Variants in ARHGAP42 observed in about 807,000 individuals in gnomAD.
ARHGAP42 encodes the protein Rho GTPase activating protein 42.
In ARHGAP42, 63 loss-of-function variants were observed where a neutral mutation model predicts 125.0. The ratio of observed to expected loss-of-function variants is 0.50; its 90% CI spans 0.41 to 0.62. ARHGAP42 has a LOEUF of 0.62. Among genes scored for constraint, ARHGAP42 ranks in the 20% least tolerant of loss-of-function variants. The pLI, the probability that ARHGAP42 is intolerant of heterozygous loss-of-function variation, is 0.00. For missense variants in ARHGAP42, 766 were observed against 1,024.2 expected, an observed-to-expected ratio of 0.75 and a Z score of 3.44; for synonymous variants, 339 against 351.0, an observed-to-expected ratio of 0.97 and a Z score of 0.38.
chr11:100,885,103 C>T (rs1008674310), intron 4 of ARHGAP42, among the ~76,000 whole-genome samples: 14 of 152,248 alleles, frequency 9.2e-5, no homozygotes, highest in Admixed American at 2.6e-4. Flanking sequence ...TAGTATTTAG[C>T]GGAGTTGGCA....
At chr11:100,843,727 G>T (rs1864994040) in intron 3 of ARHGAP42, among the ~76,000 whole-genome samples, 1 of 151,846 alleles carries the variant, frequency 6.6e-6, no homozygotes, top group Non-Finnish European at 1.5e-5. Context: ...AAATGCTTAG[G>T]AATATATCTA....
chr11:100,689,610 A>C (rs548514027), intron 1 of ARHGAP42, among the ~76,000 whole-genome samples: 1 of 152,338 alleles, frequency 6.6e-6, no homozygotes, highest in Non-Finnish European at 1.5e-5. Context: ...TCTTCCATTC[A>C]TAAGTGAAGA....
At chr11:100,854,141 A>C (rs2135132293) in intron 3 of ARHGAP42, among the ~76,000 whole-genome samples, 1 of 152,288 alleles carries the variant, frequency 6.6e-6, no homozygotes, top group South Asian at 2.1e-4. Flanking sequence ...GGTTAGGCCA[A>C]TTAATTAAAA....
chr11:100,939,404 A>G (rs1276869092), intron 8 of ARHGAP42, among the ~76,000 whole-genome samples: 1 of 152,130 alleles, frequency 6.6e-6, no homozygotes, highest in Non-Finnish European at 1.5e-5. Flanking sequence ...TGTAATTTAT[A>G]TTTATCTCAT....
At chr11:100,742,956 A>T (rs1862220322) in intron 1 of ARHGAP42, among the ~76,000 whole-genome samples, 1 of 152,122 alleles carries the variant, frequency 6.6e-6, no homozygotes, top group South Asian at 2.1e-4. Context: ...ATTTATATGA[A>T]TCCTTACATG....
chr11:100,782,237 G>T (rs1206206379), intron 2 of ARHGAP42, among the ~76,000 whole-genome samples: 1 of 152,116 alleles, frequency 6.6e-6, no homozygotes, highest in Non-Finnish European at 1.5e-5. Context: ...CGCTTTAGGA[G>T]GTTTCTTCTA....
chr11:100,942,488 A>G (rs1867912226), intron 9 of ARHGAP42, among the ~76,000 whole-genome samples: 1 of 152,190 alleles, frequency 6.6e-6, no homozygotes, highest in African/African-American at 2.4e-5. Context: ...GTGGCATATA[A>G]TCTTCTTGTG....
At chr11:100,944,646 A>C (rs953480442) in intron 10 of ARHGAP42, among the ~76,000 whole-genome samples, 1 of 151,876 alleles carries the variant, frequency 6.6e-6, no homozygotes, top group Non-Finnish European at 1.5e-5. Flanking sequence ...AAACTGAGTC[A>C]CAGAAATTTC....
chr11:100,850,179 A>G (rs907885450), intron 3 of ARHGAP42, among the ~76,000 whole-genome samples: 1 of 152,346 alleles, frequency 6.6e-6, no homozygotes, highest in Non-Finnish European at 1.5e-5. Flanking sequence ...TGCAATAGAC[A>G]GTGCGTATCA....
chr11:100,898,939 G>A (rs1195302698), intron 4 of ARHGAP42, among the ~76,000 whole-genome samples: 1 of 152,116 alleles, frequency 6.6e-6, no homozygotes, highest in Non-Finnish European at 1.5e-5. Context: ...ATGTTAGGGT[G>A]TCGATTTTTG....
intron 5 of ARHGAP42, among the ~76,000 whole-genome samples, chr11:100,919,107 G>C (rs1372531250): frequency 3.7e-5 from 5 of 135,362 alleles, no homozygotes; most frequent in African/African-American, 1.1e-4. Context: ...TGCTCTCCCA[G>C]TGGAGACACT....
At chr11:100,818,865 T>C (rs1387617174) in intron 3 of ARHGAP42, among the ~76,000 whole-genome samples, 1 of 152,128 alleles carries the variant, frequency 6.6e-6, no homozygotes, top group Non-Finnish European at 1.5e-5. Flanking sequence ...AGCCAGATTA[T>C]GTAGAGGTAG....
intron 3 of ARHGAP42, among the ~76,000 whole-genome samples, chr11:100,810,003 G>A (rs1396859166): frequency 6.6e-6 from 1 of 151,792 alleles, no homozygotes; most frequent in Non-Finnish European, 1.5e-5. Flanking sequence ...AAACAAAATT[G>A]TCATATTATG....
At chr11:100,779,175 A>G (rs981804470) in intron 2 of ARHGAP42, among the ~76,000 whole-genome samples, 4 of 151,902 alleles carry the variant, frequency 2.6e-5, no homozygotes, top group African/African-American at 9.7e-5. Flanking sequence ...GGCTGGGTGC[A>G]GTGGCTCACG....
At chr11:100,903,096 C>T (rs1390791119) in intron 4 of ARHGAP42, among the ~76,000 whole-genome samples, 4 of 132,008 alleles carry the variant, frequency 3.0e-5, no homozygotes, top group African/African-American at 1.1e-4. Context: ...CTTTATTCCT[C>T]AATCTTGCTG....
chr11:100,816,628 T>C (rs1388297992), intron 3 of ARHGAP42: 5 of 152,220 alleles, frequency 3.3e-5, no homozygotes, highest in Admixed American at 2.6e-4. Context: ...TGTTTATACA[T>C]TGGATAATTT....
At position 100,992,793 on chromosome 11, in the gene ARHGAP42, A is replaced by C; in HGVS notation, c.*3992A>C. 7.2e-7 allele frequency: 1 copy of C among 1,391,566 alleles called. No homozygotes were observed. The highest frequency in any genetic ancestry group is 1.4e-5 in the South Asian group (1 of 69,948). The allele number at this position is 1,391,566 out of a possible 1,614,324, so 86.2% of individuals were successfully genotyped here. A position where few individuals can be genotyped will look rare whatever the true frequency, so the allele number is the denominator to read the frequency against. On this transcript the variant is annotated 3_prime_UTR_variant, in exon 24 of 24. Transcript: ENST00000298815. The stretch of plus-strand genomic sequence containing the variant: ...TTTAAATAAAGAATCTTACATAAGA[A>C]TGTTGACAACATTCACAGTAAGCCA...
intron 3 of ARHGAP42, among the ~76,000 whole-genome samples, chr11:100,845,208 A>G (rs1022855374): frequency 2.6e-5 from 4 of 152,136 alleles, no homozygotes; most frequent in Non-Finnish European, 5.9e-5. Flanking sequence ...AGCAATCTGG[A>G]TGAGATTGGA....
chr11:100,952,892 G>A (rs601016), intron 12 of ARHGAP42, among the ~76,000 whole-genome samples: 126,479 of 151,928 alleles, frequency 0.83, 52,728 homozygotes, highest in African/African-American at 0.87. Flanking sequence ...CACGCCCAGT[G>A]CCCAGCTGAT....
Sources: gnomAD v4.1 joint callset for allele counts (sites outside exome capture counted in the v4.1 genomes callset) on GRCh38, gnomAD v4.1.1 for gene constraint, MANE v1.5 for transcripts, NCBI Gene and HGNC (gene_info 2026-07-23, HGNC 2026-07-21) for gene names.